Variants in MYO3B observed in about 807,000 individuals in gnomAD.
MYO3B encodes myosin-IIIb.
Under a neutral mutation model 174.6 loss-of-function variants are expected in MYO3B, and 156 were observed. The observed-to-expected ratio is 0.89, with a 90% CI of 0.78 to 1.02. The LOEUF (loss-of-function observed/expected upper bound fraction) is 1.02, where lower values mean the gene tolerates loss of function less well. Ranked by LOEUF, MYO3B falls within the 50% of genes least tolerant of loss-of-function variation. The pLI is 0.00. For missense variants in MYO3B, 1,632 were observed against 1,639.4 expected (o/e 1.00, Z 0.08); for synonymous variants, 563 against 569.1 (o/e 0.99, Z 0.15).
intron 7 of MYO3B, among the ~76,000 whole-genome samples, chr2:170,325,303 G>A (rs2093857500): frequency 1.3e-5 from 2 of 152,054 alleles, no homozygotes; most frequent in Admixed American, 1.3e-4. Flanking sequence ...CGCCTCCCAG[G>A]TTCAAGCAAT....
intron 18 of MYO3B, among the ~76,000 whole-genome samples, chr2:170,402,141 G>A (rs1198957151): frequency 6.6e-6 from 1 of 152,206 alleles, no homozygotes; most frequent in Admixed American, 6.5e-5. Context: ...ACCCATTTAT[G>A]CCTGAGGTTG....
At chr2:170,285,944 C>T (rs2093553321) in intron 7 of MYO3B, among the ~76,000 whole-genome samples, 1 of 152,002 alleles carries the variant, frequency 6.6e-6, no homozygotes, top group Admixed American at 6.6e-5. Context: ...GTTCCAATAT[C>T]ATTTACTGAT....
At chr2:170,400,073 G>A in intron 16 of MYO3B, 115 bp from the exon 17 acceptor site, 1 of 1,390,754 alleles carries the variant, frequency 7.2e-7, no homozygotes, top group Non-Finnish European at 9.9e-7. Context: ...TGTGTGTCCA[G>A]GAAAAGAGGG....
At chr2:170,369,053 A>G (rs2094219372) in intron 8 of MYO3B, among the ~76,000 whole-genome samples, 169 bp from the exon 9 acceptor site, 1 of 152,224 alleles carries the variant, frequency 6.6e-6, no homozygotes, top group South Asian at 2.1e-4. Context: ...ATAGAGAATT[A>G]CTATTTTTCT....
Position 170,314,803 on chromosome 2 carries a change from T to G in MYO3B, c.750-20582T>G, listed in dbSNP as rs189255148. Among the ~76,000 whole-genome samples the G allele has an allele frequency of 3.8e-4, 58 of 152,358 alleles. 1 individual carries two copies. The highest frequency in any genetic ancestry group is 4.4e-5 in the Non-Finnish European group (3 of 68,036). On this transcript the variant is annotated intron_variant, in intron 7 of 34. Coordinates refer to ENST00000408978, the MANE Select transcript of MYO3B (RefSeq NM_138995.5). ...GAAGTGTTGGAAGAAAAGCATCTTG[T>G]GCTGGTGCTGGGAGTGAATCTCTAG...
At chr2:170,423,882 A>C (rs1247297163) in intron 22 of MYO3B, among the ~76,000 whole-genome samples, 1 of 152,168 alleles carries the variant, frequency 6.6e-6, no homozygotes, top group African/African-American at 2.4e-5. Context: ...CCCAGCCCAT[A>C]GCAAAAGCTT....
At chr2:170,201,765 A>G (rs1314969281) in intron 3 of MYO3B, among the ~76,000 whole-genome samples, 1 of 151,100 alleles carries the variant, frequency 6.6e-6, no homozygotes, top group Admixed American at 6.6e-5. Context: ...CTGTTTAACA[A>G]TGCTATTTGG....
chr2:170,402,819 A>C, intron 18 of MYO3B, 29 bp from the exon 19 acceptor site: 1 of 1,574,180 alleles, frequency 6.4e-7, no homozygotes. Context: ...TTCCTCCCCT[A>C]AAGAGTTTTG....
Position 170,326,101 on chromosome 2 carries a change from C to G in MYO3B, c.750-9284C>G, listed in dbSNP as rs536422634. Among the ~76,000 whole-genome samples, 5 of 151,220 alleles carry G rather than the reference C, an allele frequency of 3.3e-5. No homozygotes were observed. In the South Asian group the frequency reaches 1.0e-3, roughly 32 times the overall value. On this transcript the variant is annotated intron_variant, in intron 7 of 34. Coordinates refer to ENST00000408978, the MANE Select transcript of MYO3B (RefSeq NM_138995.5). ...TATACCCCGGCCCTCCCCCATACCACTGTGGTTTTTATCCCACCACACATA... is the reference window on the plus strand; with the variant it reads ...TATACCCCGGCCCTCCCCCATACCAGTGTGGTTTTTATCCCACCACACATA...
intron 17 of MYO3B, 135 bp from the exon 18 acceptor site, chr2:170,401,346 G>A: frequency 1.3e-6 from 1 of 742,646 alleles, no homozygotes; most frequent in Middle Eastern, 3.2e-4. Flanking sequence ...TGGGGTTAGG[G>A]ATCTAGCCTG....
intron 7 of MYO3B, among the ~76,000 whole-genome samples, chr2:170,241,022 A>G (rs2093125797): frequency 6.6e-6 from 1 of 151,928 alleles, no homozygotes; most frequent in Non-Finnish European, 1.5e-5. Context: ...GTCTTATCTC[A>G]CCTTCCTTGC....
chr2:170,240,184 G>T (rs2093115619), intron 7 of MYO3B, among the ~76,000 whole-genome samples: 3 of 152,128 alleles, frequency 2.0e-5, no homozygotes, highest in African/African-American at 7.2e-5. Flanking sequence ...GCATTCTCAG[G>T]TTCTGAGTAG....
intron 25 of MYO3B, among the ~76,000 whole-genome samples, chr2:170,491,029 G>T (rs1357841157): frequency 2.0e-5 from 3 of 151,968 alleles, no homozygotes; most frequent in Non-Finnish European, 4.4e-5. Context: ...GGTTTCATCA[G>T]TTGCTTTCCT....
intron 7 of MYO3B, among the ~76,000 whole-genome samples, chr2:170,243,244 G>A (rs1344365959): frequency 6.6e-6 from 1 of 152,202 alleles, no homozygotes; most frequent in East Asian, 1.9e-4. Context: ...GGCTGGGCTT[G>A]CTCATGCATC....
intron 7 of MYO3B, among the ~76,000 whole-genome samples, chr2:170,288,755 T>C (rs1448138957): frequency 6.6e-6 from 1 of 152,132 alleles, no homozygotes; most frequent in Non-Finnish European, 1.5e-5. Context: ...AGTGTTGTAT[T>C]GAATAAGAGA....
At chr2:170,573,227 GTATATATA>G (rs34137139) in intron 32 of MYO3B, among the ~76,000 whole-genome samples, 2 of 46,440 alleles carry the variant, frequency 4.3e-5, no homozygotes, top group Non-Finnish European at 7.8e-5. Context: ...TATACTGTGT[GTATATATA>G]TATATATATA....
At chr2:170,272,012 A>G (rs2093428771) in intron 7 of MYO3B, among the ~76,000 whole-genome samples, 1 of 150,624 alleles carries the variant, frequency 6.6e-6, no homozygotes, top group Non-Finnish European at 1.5e-5. Context: ...GGACTGTTAT[A>G]TTTCTACATT....
At chr2:170,312,766 T>C (rs950239987) in intron 7 of MYO3B, among the ~76,000 whole-genome samples, 1 of 152,234 alleles carries the variant, frequency 6.6e-6, no homozygotes, top group African/African-American at 2.4e-5. Context: ...TTGAAATCAC[T>C]TCCGTTTGGT....
At chr2:170,576,111 G>A (rs914584660) in intron 32 of MYO3B, among the ~76,000 whole-genome samples, 1 of 152,146 alleles carries the variant, frequency 6.6e-6, no homozygotes, top group African/African-American at 2.4e-5. Context: ...TTTTCTAGTT[G>A]TTAACCTATA....
Sources: gnomAD v4.1 joint callset for allele counts (sites outside exome capture counted in the v4.1 genomes callset) on GRCh38, gnomAD v4.1.1 for gene constraint, MANE v1.5 for transcripts, NCBI Gene and HGNC (gene_info 2026-07-23, HGNC 2026-07-21) for gene names.